Variants in DNAH7 observed in about 807,000 individuals in gnomAD.
The protein encoded by DNAH7 is axonemal beta dynein heavy chain 7.
DNAH7 carries 397 observed loss-of-function variants against 444.6 expected under a neutral mutation model. The ratio of observed to expected loss-of-function variants is 0.89; its 90% CI spans 0.82 to 0.97. The LOEUF (loss-of-function observed/expected upper bound fraction) is 0.97, where lower values mean the gene tolerates loss of function less well. DNAH7 is among the 50% of genes least tolerant of loss of function. The pLI, the probability that DNAH7 is intolerant of heterozygous loss-of-function variation, is 0.00. For missense variants in DNAH7, 4,902 were observed against 4,800.8 expected (o/e 1.02, Z -0.62); for synonymous variants, 1,636 against 1,624.4 (o/e 1.01, Z -0.17).
chr2:196,064,563 T>C (rs1345443644), intron 1 of DNAH7, among the ~76,000 whole-genome samples: 3 of 152,120 alleles, frequency 2.0e-5, no homozygotes, highest in Non-Finnish European at 4.4e-5. Context: ...AACCCAACTC[T>C]TTGCCATCCT....
At chr2:196,035,732 G>A (rs897454618) in intron 5 of DNAH7, among the ~76,000 whole-genome samples, 1 of 152,212 alleles carries the variant, frequency 6.6e-6, no homozygotes, top group Non-Finnish European at 1.5e-5. Context: ...CCAGAGCCAG[G>A]AGGAATGCTC....
chr2:195,761,398 G>T (rs1487454321), intron 61 of DNAH7, among the ~76,000 whole-genome samples: 3 of 152,202 alleles, frequency 2.0e-5, no homozygotes, highest in East Asian at 1.9e-4. Flanking sequence ...GGTAGAGAGA[G>T]ATATATATGG....
At chr2:195,882,471 G>C (rs1701442393) in intron 35 of DNAH7, among the ~76,000 whole-genome samples, 1 of 151,948 alleles carries the variant, frequency 6.6e-6, no homozygotes, top group South Asian at 2.1e-4. Flanking sequence ...AAAATGTATA[G>C]AAAAAAATAT....
Position 195,900,445 on chromosome 2 carries a change from G to A in DNAH7, c.4385C>T (p.Ala1462Val). 1 of 1,613,980 alleles carries A rather than the reference G, an allele frequency of 6.2e-7. No homozygotes were observed. Among genetic ancestry groups the A allele is most frequent in the Non-Finnish European group, 8.5e-7 (1 of 1,179,882 alleles). ...AMMVPDYAMI[A>V]EIVLYSCGFV... ...CCCACAGGAGTATAGGACTATTTCA[G>A]CAATCATGGCATAGTCAGGTACCAT... Residue 1462 changes from alanine to valine, a missense_variant, in exon 28 of 65, where the codon GCT (alanine) becomes GTT (valine). Transcript: ENST00000312428.
chr2:195,989,908 G>T (rs1693186364), intron 12 of DNAH7, among the ~76,000 whole-genome samples: 1 of 152,150 alleles, frequency 6.6e-6, no homozygotes, highest in African/African-American at 2.4e-5. Context: ...TGTACAGCTT[G>T]CAGCATCATA....
chr2:195,893,653 T>C (rs1702143232), intron 30 of DNAH7: 1 of 152,222 alleles, frequency 6.6e-6, no homozygotes, highest in Non-Finnish European at 1.5e-5. Context: ...TATTATCTTC[T>C]TAATCAGAAC....
intron 16 of DNAH7, among the ~76,000 whole-genome samples, 170 bp from the exon 17 acceptor site, chr2:195,970,264 C>T (rs1273864999): frequency 6.6e-6 from 1 of 152,064 alleles, no homozygotes; most frequent in Admixed American, 6.6e-5. Context: ...AATTGTAAAA[C>T]TTTAAATTAA....
intron 48 of DNAH7, 128 bp from the exon 49 acceptor site, chr2:195,824,573 TTTGTC>T: frequency 1.3e-6 from 1 of 798,346 alleles, no homozygotes; most frequent in Non-Finnish European, 1.8e-6. Context: ...CAAAATTACT[TTTGTC>T]TTCTGAAAAG....
chr2:195,947,859 G>A (rs1689926490), intron 19 of DNAH7, among the ~76,000 whole-genome samples: 1 of 152,140 alleles, frequency 6.6e-6, no homozygotes, highest in Non-Finnish European at 1.5e-5. Flanking sequence ...GATCCTTGAG[G>A]AATCACCACA....
At chr2:195,847,023 T>A (rs1309401733) in intron 46 of DNAH7, among the ~76,000 whole-genome samples, 3 of 149,164 alleles carry the variant, frequency 2.0e-5, no homozygotes, top group Non-Finnish European at 4.4e-5. Flanking sequence ...CTATTAGTTC[T>A]GTCCCTCTAG....
rs1697107023 is a variant in DNAH7 at position 195,814,008 on chromosome 2, C to G, written c.9761+2620G>C. Among the ~76,000 whole-genome samples, 5 of 152,214 alleles carry G rather than the reference C, an allele frequency of 3.3e-5. No individual in the cohort carries two copies. The South Asian group carries it at 1.0e-3, about 32-fold the overall frequency. On this transcript the variant is annotated intron_variant, in intron 51 of 64. Coordinates refer to ENST00000312428, the MANE Select transcript of DNAH7 (RefSeq NM_018897.3). ...AAGTTCTAAAACTGGCAAAAACTAA[C>G]CTGTGGTGTTGGAAGTCAGGACAGT...
chr2:195,800,682 A>G (rs1473131368), intron 54 of DNAH7, among the ~76,000 whole-genome samples: 5 of 152,192 alleles, frequency 3.3e-5, no homozygotes, highest in Non-Finnish European at 7.3e-5. Flanking sequence ...CACTCACATC[A>G]AACAAATATT....
At chr2:195,776,857 CAT>C (rs140473982) in intron 59 of DNAH7, among the ~76,000 whole-genome samples, 1,926 of 152,274 alleles carry the variant, frequency 0.013, 38 homozygotes, top group East Asian at 0.069. Flanking sequence ...CACACACACA[CAT>C]GGCAAAGGGG....
chr2:195,896,384 T>C (rs1007418240), intron 29 of DNAH7, among the ~76,000 whole-genome samples: 3 of 151,978 alleles, frequency 2.0e-5, no homozygotes, highest in African/African-American at 7.3e-5. Context: ...ATTTTGTCAA[T>C]GTATTCTTTT....
At chr2:195,915,426 G>C (rs1687614517) in intron 24 of DNAH7, among the ~76,000 whole-genome samples, 1 of 152,092 alleles carries the variant, frequency 6.6e-6, no homozygotes, top group Non-Finnish European at 1.5e-5. Flanking sequence ...GGTGTTACTG[G>C]AATACTGAGT....
At chr2:195,949,767 A>G (rs1252148328) in intron 19 of DNAH7, among the ~76,000 whole-genome samples, 2 of 152,348 alleles carry the variant, frequency 1.3e-5, no homozygotes, top group African/African-American at 4.8e-5. Flanking sequence ...TTATTTTGAG[A>G]TACGTTCCAT....
At chr2:195,936,511 G>C (rs1362795292) in intron 20 of DNAH7, 88 bp downstream of exon 20, 6 of 803,488 alleles carry the variant, frequency 7.5e-6, no homozygotes, top group African/African-American at 7.3e-5. Context: ...ATATAAACAT[G>C]ATTATATATA....
intron 9 of DNAH7, among the ~76,000 whole-genome samples, chr2:196,013,723 C>T (rs559426407): frequency 6.6e-6 from 1 of 152,288 alleles, no homozygotes; most frequent in Admixed American, 6.5e-5. Context: ...TGCTAGAGAA[C>T]CAATGTGTTA....
chr2:196,032,713 T>TAC (rs1432490148), intron 5 of DNAH7, among the ~76,000 whole-genome samples: 1 of 152,210 alleles, frequency 6.6e-6, no homozygotes, highest in Non-Finnish European at 1.5e-5. Flanking sequence ...ATACCAATTC[T>TAC]ACACAAATTC....
Sources: gnomAD v4.1 joint callset for allele counts (sites outside exome capture counted in the v4.1 genomes callset) on GRCh38, gnomAD v4.1.1 for gene constraint, MANE v1.5 for transcripts, NCBI Gene and HGNC (gene_info 2026-07-23, HGNC 2026-07-21) for gene names.